The following ABCA8 variants were observed in gnomAD, a reference collection of about 807,000 sequenced individuals.
The protein encoded by ABCA8 is ATP binding cassette subfamily A member 8, also known as ABC-type organic anion transporter ABCA8.
Under a neutral mutation model 192.3 loss-of-function variants are expected in ABCA8, and 177 were observed. The ratio of observed to expected loss-of-function variants is 0.92; its 90% CI spans 0.81 to 1.04. The LOEUF (loss-of-function observed/expected upper bound fraction) is 1.04. ABCA8 is among the 50% of genes least tolerant of loss of function. The pLI is 0.00. For synonymous variants in ABCA8, 642 were observed against 690.2 expected (o/e 0.93, Z 1.09); for missense variants, 1,915 against 1,904.8 (o/e 1.01, Z -0.10).
chr17:68,936,275 A>T (rs2068062836), intron 5 of ABCA8, among the ~76,000 whole-genome samples: 1 of 151,994 alleles, frequency 6.6e-6, no homozygotes, highest in Admixed American at 6.6e-5. Context: ...AGAAGAGGTT[A>T]TTCCTAGTTT....
chr17:68,908,384 G>T (rs531099433), intron 17 of ABCA8, among the ~76,000 whole-genome samples: 1 of 152,286 alleles, frequency 6.6e-6, no homozygotes, highest in South Asian at 2.1e-4. Flanking sequence ...AATTTACTAA[G>T]TTCTTAGTAT....
intron 2 of ABCA8, among the ~76,000 whole-genome samples, chr17:68,947,647 A>G (rs1289858423): frequency 6.6e-6 from 1 of 152,346 alleles, no homozygotes; most frequent in East Asian, 1.9e-4. Context: ...TGACTGGTCT[A>G]TTCAAGTTGT....
intron 17 of ABCA8, among the ~76,000 whole-genome samples, chr17:68,916,874 T>A (rs2067381834): frequency 6.6e-6 from 1 of 152,224 alleles, no homozygotes; most frequent in Admixed American, 6.5e-5. Context: ...GTTGTTATAT[T>A]CTCAATATCT....
chr17:68,889,986 C>T (rs1037544798), intron 24 of ABCA8, among the ~76,000 whole-genome samples: 1 of 152,002 alleles, frequency 6.6e-6, no homozygotes, highest in African/African-American at 2.4e-5. Flanking sequence ...AAGTTGTTGG[C>T]TGTTATGATT....
At chr17:68,882,892 T>C (rs1490868673) in intron 29 of ABCA8, among the ~76,000 whole-genome samples, 173 bp from the exon 30 acceptor site, 1 of 152,180 alleles carries the variant, frequency 6.6e-6, no homozygotes, top group East Asian at 1.9e-4. Context: ...TATAGAAATA[T>C]GTTTTTTTCA....
At chr17:68,891,645 A>G (rs1216835696) in intron 23 of ABCA8, 49 bp from the exon 24 acceptor site, 2 of 1,366,462 alleles carry the variant, frequency 1.5e-6, no homozygotes, top group Non-Finnish European at 2.0e-6. Flanking sequence ...ATTTAAAGTT[A>G]ATTTTCTGGA....
At chr17:68,894,684 T>C (rs2066701645) in intron 22 of ABCA8, 196 bp downstream of exon 22, 2 of 590,308 alleles carry the variant, frequency 3.4e-6, no homozygotes, top group Non-Finnish European at 5.7e-6. Flanking sequence ...TTCTATAGTA[T>C]GTATTTTGCT....
chr17:68,898,704 T>C (rs2066830209), intron 21 of ABCA8, among the ~76,000 whole-genome samples: 2 of 152,106 alleles, frequency 1.3e-5, no homozygotes, highest in South Asian at 4.1e-4. Context: ...AGGAGGCAGG[T>C]GGAAGCCTAG....
chr17:68,919,165 T>C (rs1335350824), intron 14 of ABCA8, 136 bp downstream of exon 14: 1 of 755,268 alleles, frequency 1.3e-6, no homozygotes, highest in African/African-American at 1.8e-5. Context: ...CAATGTTAGC[T>C]ATTGTTTAAA....
Position 68,891,547 on chromosome 17 carries a change from A to G in ABCA8, c.3086T>C (p.Leu1029Pro). 6.2e-7 allele frequency: 1 copy of G among 1,613,370 alleles called. No homozygotes were observed. The highest frequency in any genetic ancestry group is 8.5e-7 in the Non-Finnish European group (1 of 1,179,810). ...AGGTGGGCAACTCGATGTTAAAACC[A>G]GCCAGAACATGATATATGCCAGGAA... ...IGFLAYIMFW[L>P]VLTSSCPPYI... is the part of the protein sequence containing the mutation. The change falls in exon 24 of 40, where the codon CTG becomes CCG. Residue 1029 changes from leucine to proline, a missense_variant. Coordinates refer to ENST00000586539, the MANE Select transcript of ABCA8 (RefSeq NM_001288985.2).
intron 12 of ABCA8, 37 bp from the exon 13 acceptor site, chr17:68,921,529 A>G (rs779166378): frequency 7.3e-7 from 1 of 1,369,694 alleles, no homozygotes; most frequent in South Asian, 1.3e-5. Context: ...AAGATAAGAT[A>G]AAGGGATGGA....
chr17:68,900,262 A>G (rs2066871435), intron 21 of ABCA8, among the ~76,000 whole-genome samples: 1 of 152,132 alleles, frequency 6.6e-6, no homozygotes, highest in Non-Finnish European at 1.5e-5. Flanking sequence ...GAACAAAAAG[A>G]GGGCATGAAT....
chr17:68,940,621 G>T, intron 4 of ABCA8, 137 bp downstream of exon 4: 1 of 740,140 alleles, frequency 1.4e-6, no homozygotes. Flanking sequence ...TTCCAATAAA[G>T]GGAAGACACA....
chr17:68,953,113 C>T (rs546148875), intron 1 of ABCA8, among the ~76,000 whole-genome samples: 7 of 152,070 alleles, frequency 4.6e-5, no homozygotes, highest in Non-Finnish European at 8.8e-5. Context: ...TGGTCTTTGC[C>T]GTGGGAGAAA....
At chr17:68,883,756 T>A in intron 29 of ABCA8, 35 bp downstream of exon 29, 2 of 1,332,218 alleles carry the variant, frequency 1.5e-6, no homozygotes, top group Non-Finnish European at 2.1e-6. Context: ...ACGATATTGA[T>A]CAACAAAATA....
At chr17:68,876,435 C>T (rs376065475) in intron 35 of ABCA8, 25 bp downstream of exon 35, 50 of 1,613,722 alleles carry the variant, frequency 3.1e-5, no homozygotes, top group African/African-American at 4.0e-5. Context: ...TCCGTGCTGT[C>T]CCTGACCGTG....
In ABCA8 at chr17:68,929,122, C is replaced by G. The variant is rs1455360601; in HGVS notation, c.1052G>C (p.Arg351Thr). ...CCACTCCAAGGATGCAGGAAGGTGT[C>G]TGTACAGTGATGTGAACCCCAGACA... ...WGCLGFTSLY[R>T]HLPASLEWIL... Residue 351 changes from arginine (R) to threonine (T), a missense_variant, in exon 9 of 40, where the codon AGA (arginine) becomes ACA (threonine). Coordinates refer to ENST00000586539, the MANE Select transcript of ABCA8 (RefSeq NM_001288985.2). 1.2e-6 allele frequency: 2 copies of G among 1,609,814 alleles called. No homozygotes were observed. The highest frequency in any genetic ancestry group is 3.3e-5 in the Admixed American group (2 of 59,790).
chr17:68,952,367 C>T (rs8079972), intron 1 of ABCA8, among the ~76,000 whole-genome samples: 76,725 of 151,858 alleles, frequency 0.51, 19,913 homozygotes, highest in Middle Eastern at 0.59. Flanking sequence ...TACAAGCGCC[C>T]GCCACCACGC....
chr17:68,907,306 C>G lies in ABCA8; in HGVS notation c.2278+434G>C, dbSNP rs142276617. The stretch of plus-strand genomic sequence containing the variant: ...CTTATAGTGCCCCATTGTTAAGGAA[C>G]AAGTTCCCTGAACAACAAACATAGT... On this transcript the variant is annotated intron_variant, in intron 18 of 39. Transcript: ENST00000586539. Among the ~76,000 whole-genome samples the G allele has an allele frequency of 7.0e-3, 1,063 of 152,084 alleles. 15 individuals are homozygous for G. Among genetic ancestry groups the G allele is most frequent in the African/African-American group, 0.024 (998 of 41,506 alleles).
Sources: gnomAD v4.1 joint callset for allele counts (sites outside exome capture counted in the v4.1 genomes callset) on GRCh38, gnomAD v4.1.1 for gene constraint, MANE v1.5 for transcripts, NCBI Gene and HGNC (gene_info 2026-07-23, HGNC 2026-07-21) for gene names.